The following EBF1 variants were observed in gnomAD, a reference collection of about 807,000 sequenced individuals.
The protein encoded by EBF1 is EBF transcription factor 1.
A neutral mutation model predicts 68.4 loss-of-function variants in EBF1; 10 were observed. The observed-to-expected ratio is 0.15, with a 90% confidence interval of 0.09 to 0.25. The LOEUF is 0.25. Among genes scored for constraint, EBF1 ranks in the 10% least tolerant of loss-of-function variants. EBF1 has a pLI of 1.00. For synonymous variants in EBF1, 298 were observed against 299.8 expected (o/e 0.99, Z 0.06); for missense variants, 509 against 794.4 (o/e 0.64, Z 4.32).
At chr5:159,054,491 GAA>G (rs1471548221) in intron 6 of EBF1, among the ~76,000 whole-genome samples, 1 of 152,090 alleles carries the variant, frequency 6.6e-6, no homozygotes, top group East Asian at 1.9e-4. Context: ...TCTGCACATA[GAA>G]AAAAATTTTT....
chr5:158,937,758 C>A (rs1812359147), intron 6 of EBF1, among the ~76,000 whole-genome samples: 1 of 152,168 alleles, frequency 6.6e-6, no homozygotes, highest in South Asian at 2.1e-4. Context: ...GAATAATCTG[C>A]CTGGGCAGGG....
At chr5:158,733,954 C>A (rs1764649968) in intron 10 of EBF1, among the ~76,000 whole-genome samples, 1 of 152,010 alleles carries the variant, frequency 6.6e-6, no homozygotes, top group South Asian at 2.1e-4. Flanking sequence ...TTAACTGCCC[C>A]CACAAAAAAT....
At chr5:158,887,028 A>G (rs200422044) in intron 6 of EBF1, among the ~76,000 whole-genome samples, 42 of 152,298 alleles carry the variant, frequency 2.8e-4, no homozygotes, top group East Asian at 2.1e-3. Flanking sequence ...CTTTATATTA[A>G]CAGAAGAGGA....
chr5:158,886,077 C>T (rs1185730175), intron 6 of EBF1, among the ~76,000 whole-genome samples: 1 of 152,176 alleles, frequency 6.6e-6, no homozygotes, highest in Non-Finnish European at 1.5e-5. Context: ...CTCCCTTTGC[C>T]CAACTCTTCT....
intron 6 of EBF1, among the ~76,000 whole-genome samples, chr5:159,064,204 A>G (rs1776347857): frequency 6.6e-6 from 1 of 152,232 alleles, no homozygotes; most frequent in African/African-American, 2.4e-5. Flanking sequence ...ATATATACAT[A>G]TAAAATCCTG....
intron 6 of EBF1, among the ~76,000 whole-genome samples, chr5:158,944,348 T>C (rs1238794270): frequency 6.6e-6 from 1 of 152,250 alleles, no homozygotes; most frequent in African/African-American, 2.4e-5. Flanking sequence ...GTTAGTTTGC[T>C]GAGAATGATG....
At chr5:158,902,611 T>C (rs1803659599) in intron 6 of EBF1, among the ~76,000 whole-genome samples, 1 of 148,634 alleles carries the variant, frequency 6.7e-6, no homozygotes, top group Non-Finnish European at 1.5e-5. Flanking sequence ...ATTATTATTA[T>C]TATTATTATC....
In EBF1 at chr5:158,934,357, C is replaced by T. The variant is rs115064938; in HGVS notation, c.555-94247G>A. Among the ~76,000 whole-genome samples the T allele has an allele frequency of 4.5e-3, 692 of 152,298 alleles. 5 individuals are homozygous for T. Among genetic ancestry groups the T allele is most frequent in the African/African-American group, 0.015 (637 of 41,548 alleles). ...ACTCGTACAAGAGCAATCCCACCAT[C>T]GCCATGCTGAATTGTCTCCTTAAAG... On this transcript the variant is annotated intron_variant, in intron 6 of 15. Coordinates refer to ENST00000313708, the MANE Select transcript of EBF1 (RefSeq NM_024007.5).
chr5:158,931,873 G>A (rs1810961775), intron 6 of EBF1, among the ~76,000 whole-genome samples: 2 of 152,186 alleles, frequency 1.3e-5, no homozygotes, highest in Admixed American at 6.5e-5. Context: ...GTTTCTAGAA[G>A]AACCAGATGC....
At chr5:158,770,012 C>T (rs1028744093) in intron 10 of EBF1, among the ~76,000 whole-genome samples, 3 of 152,078 alleles carry the variant, frequency 2.0e-5, no homozygotes, top group African/African-American at 7.2e-5. Context: ...CACATTCTTG[C>T]CTTCCTTTCT....
At chr5:158,994,242 C>G (rs1340469302) in intron 6 of EBF1, among the ~76,000 whole-genome samples, 1 of 152,184 alleles carries the variant, frequency 6.6e-6, no homozygotes, top group Non-Finnish European at 1.5e-5. Context: ...AGGGGAAACT[C>G]CAACAATATG....
At chr5:159,006,319 T>A (rs1260040007) in intron 6 of EBF1, among the ~76,000 whole-genome samples, 2 of 152,118 alleles carry the variant, frequency 1.3e-5, no homozygotes, top group Non-Finnish European at 2.9e-5. Context: ...TAATTTCCAC[T>A]GGAGTATTTA....
At chr5:158,699,273 T>G in intron 15 of EBF1, 131 bp from the exon 16 acceptor site, 1 of 802,278 alleles carries the variant, frequency 1.2e-6, no homozygotes, top group Non-Finnish European at 1.9e-6. Context: ...ACAAATTTGC[T>G]CTCATCTTCT....
chr5:158,902,198 T>C (rs1803544124), intron 6 of EBF1, among the ~76,000 whole-genome samples: 1 of 152,180 alleles, frequency 6.6e-6, no homozygotes, highest in South Asian at 2.1e-4. Flanking sequence ...ATTTTTTTAC[T>C]GCTGTCGAGA....
intron 6 of EBF1, among the ~76,000 whole-genome samples, chr5:158,864,275 T>A (rs189089444): frequency 6.8e-6 from 1 of 147,296 alleles, no homozygotes; most frequent in East Asian, 2.0e-4. Flanking sequence ...ACCTTAGATA[T>A]GAAGAGAGTA....
intron 10 of EBF1, among the ~76,000 whole-genome samples, chr5:158,772,538 T>C (rs1157875770): frequency 2.6e-5 from 4 of 152,188 alleles, no homozygotes; most frequent in Admixed American, 2.6e-4. Context: ...GTGTGATGCA[T>C]TCCTGCAAAA....
intron 4 of EBF1, among the ~76,000 whole-genome samples, chr5:159,092,810 T>C (rs1354220823): frequency 6.6e-6 from 1 of 152,166 alleles, no homozygotes; most frequent in Non-Finnish European, 1.5e-5. Flanking sequence ...TTGATGATGT[T>C]ATCAGAACTT....
chr5:159,079,766 A>G (rs1429787302), intron 5 of EBF1, among the ~76,000 whole-genome samples: 1 of 151,720 alleles, frequency 6.6e-6, no homozygotes, highest in Admixed American at 6.6e-5. Flanking sequence ...TTCACACACC[A>G]CCACACCCAG....
chr5:158,778,365 C>T (rs979989357), intron 9 of EBF1, among the ~76,000 whole-genome samples: 8 of 152,102 alleles, frequency 5.3e-5, no homozygotes, highest in Non-Finnish European at 1.2e-4. Flanking sequence ...GACTGGTTGA[C>T]CTCTGATGGT....
Sources: gnomAD v4.1 joint callset for allele counts (sites outside exome capture counted in the v4.1 genomes callset) on GRCh38, gnomAD v4.1.1 for gene constraint, MANE v1.5 for transcripts, NCBI Gene and HGNC (gene_info 2026-07-23, HGNC 2026-07-21) for gene names.